The following ZNF688 variants were observed in gnomAD, a reference collection of about 807,000 sequenced individuals.
ZNF688 encodes the protein zinc finger protein 688.
A neutral mutation model predicts 13.2 loss-of-function variants in ZNF688; 10 were observed. That is an observed-to-expected ratio of 0.76 (90% confidence interval 0.47 to 1.28). ZNF688 has a LOEUF of 1.28. ZNF688 is among the 50% of genes most tolerant of loss of function. The pLI, the probability that ZNF688 is intolerant of heterozygous loss-of-function variation, is 0.00. For missense variants in ZNF688, 381 were observed against 391.4 expected, an observed-to-expected ratio of 0.97 and a Z score of 0.22; for synonymous variants, 160 against 159.4, an observed-to-expected ratio of 1.00 and a Z score of -0.03.
chr16:30,577,945 C>G, the ZNF688 span, among the ~76,000 whole-genome samples: 1 of 152,178 alleles, frequency 6.6e-6, no homozygotes, highest in South Asian at 2.1e-4. Context: ...GCTGGGATTA[C>G]AGGTATGAGC....
chr16:30,570,771 G>T (rs1489994706), intron 2 of ZNF688: 2 of 337,418 alleles, frequency 5.9e-6, no homozygotes, highest in Non-Finnish European at 1.0e-5. Context: ...ATTTATTTTT[G>T]AGACGGAGTC....
upstream of ZNF688, among the ~76,000 whole-genome samples, chr16:30,576,108 CGCAACCTCAGCTCACT>C (rs2044964302): frequency 6.6e-6 from 1 of 152,094 alleles, no homozygotes; most frequent in Admixed American, 6.5e-5. Flanking sequence ...AGTGCAGTGG[CGCAACCTCAGCTCACT>C]GCAACCTCCC....
chr16:30,570,036 G>A lies in ZNF688; in HGVS notation c.711C>T (p.Ser237=), dbSNP rs1389839493. 5 of 1,610,814 alleles carry A rather than the reference G, an allele frequency of 3.1e-6. No individual in the cohort carries two copies. Among genetic ancestry groups the A allele is most frequent in the East Asian group, 2.2e-5 (1 of 44,840 alleles). ...EAHQWIHRSC[S]GGRRGRRPGI... Reference sequence around the variant, plus strand: ...CAGGCCTCCGGCCCCGCCGCCCCCCGGAGCAGGAGCGGTGGATCCACTGGT... The same window carrying A: ...CAGGCCTCCGGCCCCGCCGCCCCCCAGAGCAGGAGCGGTGGATCCACTGGT... Residue 237 remains serine (S), a synonymous_variant, in exon 3 of 3, where the codon TCC becomes TCT. Coordinates refer to ENST00000223459, the MANE Select transcript of ZNF688 (RefSeq NM_145271.4).
intron 2 of ZNF688, 183 bp from the exon 3 acceptor site, chr16:30,570,619 T>C (rs2051659702): frequency 1.5e-6 from 1 of 670,098 alleles, no homozygotes; most frequent in Non-Finnish European, 2.4e-6. Flanking sequence ...TGGTTCCTTA[T>C]GCATCAAATG....
In ZNF688 at chr16:30,571,644, C is replaced by A; in HGVS notation, c.-15G>T. On this transcript the variant is annotated 5_prime_UTR_variant, in exon 1 of 3. Coordinates refer to ENST00000223459, the MANE Select transcript of ZNF688 (RefSeq NM_145271.4). ...GGCGGCGCCATGGGGCCTCGCAGCC[C>A]CGATCGGCGGCCGCCAGGTCCCTGG... 1 of 1,390,760 alleles carries A rather than the reference C, an allele frequency of 7.2e-7. No homozygotes were observed. The highest frequency in any genetic ancestry group is 1.7e-5 in the South Asian group (1 of 59,934). The allele number at this position is 1,390,760 out of a possible 1,614,324, so 86.2% of individuals were successfully genotyped here. A position where few individuals can be genotyped will look rare whatever the true frequency, so the allele number is the denominator to read the frequency against.
upstream of ZNF688, among the ~76,000 whole-genome samples, chr16:30,572,968 G>A (rs1299179255): frequency 1.3e-5 from 2 of 152,060 alleles, no homozygotes; most frequent in African/African-American, 2.4e-5. Context: ...GTGCAATGGC[G>A]CTATCTAGGC....
chr16:30,572,231 T>A, upstream of ZNF688: 1 of 1,598,698 alleles, frequency 6.3e-7, no homozygotes, highest in Non-Finnish European at 8.5e-7. Context: ...CCCGCGGTCC[T>A]GAAGCCTCTG....
chr16:30,579,636 T>G, the ZNF688 span: 1 of 363,318 alleles, frequency 2.8e-6, no homozygotes, highest in East Asian at 7.4e-5. Context: ...AGCCTCAGCC[T>G]CCCACAGTGC....
At chr16:30,572,177 C>T, upstream of ZNF688, 1 of 1,607,676 alleles carries the variant, frequency 6.2e-7, no homozygotes, top group Non-Finnish European at 8.5e-7. Flanking sequence ...CCGGAAGAAG[C>T]TGCGCGGTGA....
Position 30,571,531 on chromosome 16 carries a change from C to G in ZNF688, c.99G>C (p.Val33=). ...AGCCCCACTCCTCCGGGGAGAAGTA[C>G]ACGGCCACGTCCGCGAAGCTCACAG... The part of the protein sequence containing the change: ...PGTVSFADVA[V]YFSPEEWGCL... The change falls in exon 1 of 3, where the codon GTG becomes GTC. Residue 33 remains valine, a synonymous_variant. Coordinates refer to ENST00000223459, the MANE Select transcript of ZNF688 (RefSeq NM_145271.4). 1 of 1,588,026 alleles carries G rather than the reference C, an allele frequency of 6.3e-7. No homozygotes were observed. Among genetic ancestry groups the G allele is most frequent in the Non-Finnish European group, 8.6e-7 (1 of 1,168,104 alleles).
chr16:30,575,960 G>A (rs566021257), upstream of ZNF688, among the ~76,000 whole-genome samples: 2 of 151,970 alleles, frequency 1.3e-5, no homozygotes, highest in African/African-American at 4.8e-5. Flanking sequence ...CCAGTCAAGA[G>A]TTGCCTTCTC....
chr16:30,569,943 G>A lies in ZNF688; in HGVS notation c.804C>T (p.Tyr268=). 1.3e-6 allele frequency: 2 copies of A among 1,576,566 alleles called. No individual in the cohort carries two copies. The highest frequency in any genetic ancestry group is 1.2e-5 in the South Asian group (1 of 86,014). Residue 268 remains tyrosine (Y), a synonymous_variant, in exon 3 of 3, where the codon TAC becomes TAT. Coordinates refer to ENST00000223459, the MANE Select transcript of ZNF688 (RefSeq NM_145271.4). ...AGCCGCACTCCTCGAAGATGTCTGG[G>A]TAGTGCCGGAAGAGCACAGGCGGGT... ...DRDPPVLFRH[Y]PDIFEECG
upstream of ZNF688, among the ~76,000 whole-genome samples, chr16:30,575,571 T>C (rs1207084100): frequency 6.6e-6 from 1 of 152,092 alleles, no homozygotes; most frequent in East Asian, 1.9e-4. Flanking sequence ...TTTTTGTTTT[T>C]TTCAGACATC....
chr16:30,572,091 G>A (rs1350370081), upstream of ZNF688: 16 of 1,512,492 alleles, frequency 1.1e-5, no homozygotes, highest in Non-Finnish European at 1.3e-5. Context: ...TTGCCTTCAA[G>A]AAAGATGTAA....
chr16:30,570,802 G>C (rs1214235251), intron 2 of ZNF688: 1 of 508,998 alleles, frequency 2.0e-6, no homozygotes, highest in South Asian at 2.9e-5. Context: ...ACCCAGGCTG[G>C]AGTGCCTGGT....
chr16:30,577,413 C>G (rs1189772778), upstream of ZNF688, among the ~76,000 whole-genome samples: 2 of 149,106 alleles, frequency 1.3e-5, no homozygotes, highest in Admixed American at 1.3e-4. Context: ...TGGAGTCTCG[C>G]TCTGTCGCCA....
upstream of ZNF688, among the ~76,000 whole-genome samples, chr16:30,573,162 C>A (rs2051712574): frequency 6.6e-6 from 1 of 152,276 alleles, no homozygotes; most frequent in Non-Finnish European, 1.5e-5. Context: ...CCGCCTCAGC[C>A]TCCCAAAGTG....
At chr16:30,572,141 G>C (rs773259064), upstream of ZNF688, 1 of 1,601,202 alleles carries the variant, frequency 6.2e-7, no homozygotes, top group Non-Finnish European at 8.5e-7. Context: ...CCCGCAATAC[G>C]CAACGGCCGA....
chr16:30,570,418 T>G lies in ZNF688; in HGVS notation c.329A>C (p.Lys110Thr), dbSNP rs538861014. The G allele has an allele frequency of 6.2e-7, 1 of 1,612,218 alleles. No individual in the cohort carries two copies. The highest frequency in any genetic ancestry group is 1.1e-5 in the South Asian group (1 of 91,072). Residue 110 changes from lysine to threonine, a missense_variant, in exon 3 of 3, where the codon AAG becomes ACG. Physicochemically the swap from Lys to Thr is moderately conservative, Grantham distance 78. Coordinates refer to ENST00000223459, the MANE Select transcript of ZNF688 (RefSeq NM_145271.4). The stretch of plus-strand genomic sequence containing the variant: ...TGGGACTTCCTCCGGTTCCTCTTCC[T>G]TCCTGTTTGGGACATCTCCTGGGAA... ...GARRGDVPNR[K>T]EEEPEEVPRA...
Sources: allele counts gnomAD v4.1 joint callset (sites outside exome capture counted in the v4.1 genomes callset), GRCh38; gene constraint gnomAD v4.1.1; transcripts MANE v1.5; gene names NCBI Gene and HGNC (gene_info 2026-07-23, HGNC 2026-07-21).